Variants in DRC2 observed in about 807,000 individuals in gnomAD.
DRC2 encodes dynein regulatory complex subunit 2.
the DRC2 span, chr12:48,921,194 G>T: frequency 1.2e-6 from 2 of 1,614,174 alleles, no homozygotes; most frequent in South Asian, 2.2e-5. Context: ...TAGGAATGGA[G>T]AATTTCTGGA....
chr12:48,914,351 TTCTCACAG>T, the DRC2 span: 1 of 1,504,948 alleles, frequency 6.6e-7, no homozygotes, highest in Non-Finnish European at 8.9e-7. Flanking sequence ...TATTTTTATT[TTCTCACAG>T]AGATGCTATT....
the DRC2 span, chr12:48,918,217 G>GT: frequency 6.5e-7 from 1 of 1,533,640 alleles, no homozygotes; most frequent in South Asian, 1.1e-5. Flanking sequence ...GCTGGTAGAA[G>GT]TGAAAGGGCA....
At chr12:48,916,217 C>A in the DRC2 span, among the ~76,000 whole-genome samples, 1 of 151,300 alleles carries the variant, frequency 6.6e-6, no homozygotes, top group Non-Finnish European at 1.5e-5. Flanking sequence ...GCAGAGGCTG[C>A]AATCTCGGCA....
the DRC2 span, among the ~76,000 whole-genome samples, chr12:48,908,633 CAG>C: frequency 1.4e-5 from 2 of 146,880 alleles, no homozygotes; most frequent in East Asian, 2.0e-4. Flanking sequence ...TATTTTTAGA[CAG>C]AGTCACCCAG....
At chr12:48,909,680 G>A in the DRC2 span, among the ~76,000 whole-genome samples, 1 of 151,786 alleles carries the variant, frequency 6.6e-6, no homozygotes, top group South Asian at 2.1e-4. Context: ...GTTTCGCCAT[G>A]TTGGCCAGCT....
At chr12:48,905,652 G>A in the DRC2 span, among the ~76,000 whole-genome samples, 1 of 152,114 alleles carries the variant, frequency 6.6e-6, no homozygotes, top group African/African-American at 2.4e-5. Flanking sequence ...CTCTTGGGAG[G>A]TTCTTGAGTT....
chr12:48,904,562 C>T, the DRC2 span: 2 of 1,474,958 alleles, frequency 1.4e-6, no homozygotes, highest in Non-Finnish European at 1.8e-6. Context: ...CTGACCTCCC[C>T]TCCTCCGGAA....
chr12:48,909,881 A>G, the DRC2 span, among the ~76,000 whole-genome samples: 118 of 151,424 alleles, frequency 7.8e-4, no homozygotes, highest in African/African-American at 2.8e-3. Context: ...CCCAGGTTTA[A>G]GTAATCCTCC....
At chr12:48,918,834 G>A in the DRC2 span, 1 of 1,613,964 alleles carries the variant, frequency 6.2e-7, no homozygotes, top group African/African-American at 1.3e-5. Flanking sequence ...CAGCATCCCA[G>A]AAGAACTTAG....
At chr12:48,910,362 A>G in the DRC2 span, among the ~76,000 whole-genome samples, 14 of 152,340 alleles carry the variant, frequency 9.2e-5, no homozygotes, top group East Asian at 2.7e-3. Context: ...GGTTAGGTAA[A>G]CATTTGTTGA....
the DRC2 span, among the ~76,000 whole-genome samples, chr12:48,905,360 C>T: frequency 6.6e-6 from 1 of 152,212 alleles, no homozygotes; most frequent in Non-Finnish European, 1.5e-5. Context: ...AGTCATAAGG[C>T]ACAGTAGACA....
the DRC2 span, chr12:48,914,277 C>G: frequency 2.2e-6 from 2 of 921,386 alleles, no homozygotes. Flanking sequence ...GTGAGGGGGA[C>G]AGCCAGCATT....
the DRC2 span, among the ~76,000 whole-genome samples, chr12:48,913,089 C>T: frequency 5.1e-5 from 7 of 137,718 alleles, no homozygotes; most frequent in African/African-American, 1.1e-4. Flanking sequence ...GAGCCAAGAT[C>T]GCGCCACTGC....
chr12:48,911,931 TTGTC>T, the DRC2 span, among the ~76,000 whole-genome samples: 4 of 152,128 alleles, frequency 2.6e-5, no homozygotes, highest in South Asian at 2.1e-4. Context: ...AAAAAATTGG[TTGTC>T]TGGTATCCTC....
At chr12:48,913,925 C>CTTT in the DRC2 span, among the ~76,000 whole-genome samples, 879 of 95,946 alleles carry the variant, frequency 9.2e-3, 27 homozygotes, top group African/African-American at 0.02. Flanking sequence ...CGTGCCCAGT[C>CTTT]TTTTTTTTTT....
At chr12:48,915,799 C>A in the DRC2 span, among the ~76,000 whole-genome samples, 1 of 151,408 alleles carries the variant, frequency 6.6e-6, no homozygotes, top group African/African-American at 2.4e-5. Flanking sequence ...ACCTCCCTCC[C>A]GGACGGGGTG....
chr12:48,920,633 C>T, the DRC2 span, among the ~76,000 whole-genome samples: 1 of 151,108 alleles, frequency 6.6e-6, no homozygotes, highest in Non-Finnish European at 1.5e-5. Context: ...GTGATCCTTC[C>T]ATCTCAGCCT....
the DRC2 span, chr12:48,918,932 A>G: frequency 6.4e-7 from 1 of 1,571,110 alleles, no homozygotes; most frequent in Non-Finnish European, 8.8e-7. Flanking sequence ...CTATCAGAAT[A>G]AAGTCAAGGA....
At chr12:48,914,559 G>A in the DRC2 span, 1,076 of 1,614,018 alleles carry the variant, frequency 6.7e-4, 2 homozygotes, top group Non-Finnish European at 6.9e-4. Flanking sequence ...TAACCAAGGA[G>A]TTTGAGACAG....
Sources: allele counts gnomAD v4.1 joint callset (sites outside exome capture counted in the v4.1 genomes callset), GRCh38; gene constraint gnomAD v4.1.1; transcripts MANE v1.5; gene names NCBI Gene and HGNC (gene_info 2026-07-23, HGNC 2026-07-21).